MARCHF10: variants seen among roughly 807,000 people sequenced by gnomAD.
MARCHF10 encodes the protein membrane associated ring-CH-type finger 10, also known as probable E3 ubiquitin-protein ligase MARCHF10.
MARCHF10 carries 64 observed loss-of-function variants against 76.2 expected under a neutral mutation model. The ratio of observed to expected loss-of-function variants is 0.84; its 90% CI spans 0.69 to 1.03. The LOEUF (loss-of-function observed/expected upper bound fraction) is 1.03, where lower values mean the gene tolerates loss of function less well. MARCHF10 is among the 50% of genes least tolerant of loss of function. The probability of loss-of-function intolerance (pLI) is 0.00; values close to 1 mark genes in which losing one functional copy is unlikely to be tolerated. For missense variants in MARCHF10, 875 were observed against 958.0 expected, an observed-to-expected ratio of 0.91 and a Z score of 1.14; for synonymous variants, 340 against 357.5, an observed-to-expected ratio of 0.95 and a Z score of 0.55.
At chr17:62,799,570 A>G (rs1419182155) in intron 2 of MARCHF10, among the ~76,000 whole-genome samples, 1 of 152,140 alleles carries the variant, frequency 6.6e-6, no homozygotes, top group Non-Finnish European at 1.5e-5. Flanking sequence ...CAACATGGAG[A>G]AACCCCGTCT....
At chr17:62,757,961 A>G (rs537910965) in intron 4 of MARCHF10, among the ~76,000 whole-genome samples, 1 of 152,320 alleles carries the variant, frequency 6.6e-6, no homozygotes, top group South Asian at 2.1e-4. Flanking sequence ...ATCTGTATTA[A>G]TTAGACAAAC....
intron 3 of MARCHF10, among the ~76,000 whole-genome samples, chr17:62,776,298 A>G (rs1208851500): frequency 6.6e-6 from 1 of 152,224 alleles, no homozygotes; most frequent in Admixed American, 6.5e-5. Context: ...GAGGTCACCA[A>G]TCCTCTGCAC....
intron 2 of MARCHF10, among the ~76,000 whole-genome samples, chr17:62,789,033 G>A (rs1317685433): frequency 3.3e-5 from 4 of 122,324 alleles, no homozygotes; most frequent in Non-Finnish European, 6.4e-5. Flanking sequence ...ACTGCAGTCC[G>A]CAGTCCGGCC....
chr17:62,717,424 G>T (rs1014027698), intron 8 of MARCHF10, among the ~76,000 whole-genome samples: 1 of 152,234 alleles, frequency 6.6e-6, no homozygotes, highest in African/African-American at 2.4e-5. Flanking sequence ...GCTTCCACGT[G>T]GAGCAATGAC....
At position 62,738,806 on chromosome 17, in the gene MARCHF10, T is replaced by C. The variant is rs2147826673; in HGVS notation, c.536-1474A>G. On this transcript the variant is annotated intron_variant, in intron 5 of 10. Coordinates refer to ENST00000311269, the MANE Select transcript of MARCHF10 (RefSeq NM_152598.4). The surrounding 1 kb of genome is among the most constrained non-coding windows in gnomAD (Gnocchi z 4.0). ...CTCATCAGCTCTTCTAGAAATCAGT[T>C]AAGCTCTCCTCTCAGGCCCCTCCTG... Among the ~76,000 whole-genome samples, 2 of 152,290 alleles carry C rather than the reference T, an allele frequency of 1.3e-5. 1 individual carries two copies. The highest frequency in any genetic ancestry group is 6.8e-3 in the Middle Eastern group (2 of 294).
chr17:62,743,821 T>C (rs1375050458), intron 5 of MARCHF10, among the ~76,000 whole-genome samples: 6 of 152,182 alleles, frequency 3.9e-5, no homozygotes, highest in Admixed American at 2.6e-4. Flanking sequence ...GAATAAAGCA[T>C]AGATTCGTTC....
intron 4 of MARCHF10, among the ~76,000 whole-genome samples, chr17:62,756,794 C>A (rs1000711783): frequency 3.9e-5 from 6 of 152,168 alleles, no homozygotes; most frequent in African/African-American, 1.4e-4. Flanking sequence ...GATGCAAATG[C>A]AAACATTTTG....
intron 9 of MARCHF10, among the ~76,000 whole-genome samples, chr17:62,708,307 G>A (rs377189790): frequency 3.6e-4 from 55 of 150,886 alleles, no homozygotes; most frequent in South Asian, 8.4e-4. Flanking sequence ...GCGCAGTGGC[G>A]CCGTCTCGGC....
chr17:62,797,590 CT>C (rs1345915341), intron 2 of MARCHF10, among the ~76,000 whole-genome samples: 1 of 152,174 alleles, frequency 6.6e-6, no homozygotes, highest in Non-Finnish European at 1.5e-5. Flanking sequence ...TCCTCACCAC[CT>C]TTGCCCAGGG....
chr17:62,791,046 C>A lies in MARCHF10; in HGVS notation c.91-2447G>T, dbSNP rs147640997. On this transcript the variant is annotated intron_variant, in intron 2 of 10. Transcript: ENST00000311269. Reference sequence around the variant, plus strand: ...GTAAGTCATCATAATAAACACTGGACTCTGTTTGTTTTAATAATTTAAGCA... The same window carrying A: ...GTAAGTCATCATAATAAACACTGGAATCTGTTTGTTTTAATAATTTAAGCA... 5.7e-4 allele frequency among the ~76,000 whole-genome samples: 87 copies of A among 152,294 alleles called. 1 individual carries two copies. Among genetic ancestry groups the A allele is most frequent in the African/African-American group, 2.0e-3 (84 of 41,552 alleles).
chr17:62,789,107 G>A (rs1253779860), intron 2 of MARCHF10, among the ~76,000 whole-genome samples: 1 of 146,034 alleles, frequency 6.8e-6, no homozygotes, highest in African/African-American at 2.5e-5. Flanking sequence ...CAGGTCAGAC[G>A]TAATAGCCAT....
chr17:62,802,008 G>A (rs1306461097), intron 1 of MARCHF10, among the ~76,000 whole-genome samples: 1 of 152,146 alleles, frequency 6.6e-6, no homozygotes, highest in East Asian at 1.9e-4. Context: ...TTACTCAGAG[G>A]GAGTTAGATT....
chr17:62,732,992 C>CAAAAAAAAAAAAAAAAA (rs398041783), intron 6 of MARCHF10, among the ~76,000 whole-genome samples: 5 of 66,536 alleles, frequency 7.5e-5, no homozygotes, highest in African/African-American at 1.6e-4. Context: ...GACTCAGTCT[C>CAAAAAAAAAAAAAAAAA]AAAAAAAAAA....
intron 8 of MARCHF10, chr17:62,714,432 CCTA>C (rs2090087757): frequency 1.0e-6 from 1 of 985,046 alleles, no homozygotes; most frequent in African/African-American, 1.7e-5. Flanking sequence ...ACCAACACAT[CCTA>C]CAAGAGACAA....
At chr17:62,767,823 A>G (rs1055967465) in intron 3 of MARCHF10, among the ~76,000 whole-genome samples, 15 of 152,138 alleles carry the variant, frequency 9.9e-5, no homozygotes, top group African/African-American at 3.1e-4. Context: ...TCCCTTCTAA[A>G]TCGCTAAGAG....
chr17:62,737,254 G>A lies in MARCHF10; in HGVS notation c.614C>T (p.Pro205Leu), dbSNP rs2091313782. ...RPNQERRNLV[P>L]SSQPMTENAP... Reference sequence around the variant, plus strand: ...GTTCTCAGTCATTGGCTGTGACGATGGGACCAAGTTTCTTCTCTCTTGATT... The same window carrying A: ...GTTCTCAGTCATTGGCTGTGACGATAGGACCAAGTTTCTTCTCTCTTGATT... Residue 205 changes from proline to leucine, a missense_variant, in exon 6 of 11, where the codon CCA becomes CTA. Coordinates refer to ENST00000311269, the MANE Select transcript of MARCHF10 (RefSeq NM_152598.4). 2 of 1,613,758 alleles carry A rather than the reference G, an allele frequency of 1.2e-6. No individual in the cohort carries two copies. Among genetic ancestry groups the A allele is most frequent in the East Asian group, 2.2e-5 (1 of 44,888 alleles).
At chr17:62,802,940 T>A (rs1379238309) in intron 1 of MARCHF10, among the ~76,000 whole-genome samples, 1 of 152,140 alleles carries the variant, frequency 6.6e-6, no homozygotes. Context: ...ATGATTAGAT[T>A]CGTGTTTTTA....
At chr17:62,803,331 T>C (rs1294981142) in intron 1 of MARCHF10, among the ~76,000 whole-genome samples, 2 of 151,910 alleles carry the variant, frequency 1.3e-5, no homozygotes, top group Admixed American at 6.6e-5. Context: ...ATCCCTCCAG[T>C]TGCAGTATGA....
At chr17:62,799,935 G>T (rs1174652362) in intron 2 of MARCHF10, among the ~76,000 whole-genome samples, 1 of 152,082 alleles carries the variant, frequency 6.6e-6, no homozygotes, top group Admixed American at 6.6e-5. Flanking sequence ...GCTCTGGGGG[G>T]ATCTTTCCCA....
Sources: gnomAD v4.1 joint callset for allele counts (sites outside exome capture counted in the v4.1 genomes callset) on GRCh38, gnomAD v4.1.1 for gene constraint, Gnocchi (gnomAD v3.1) non-coding constraint, MANE v1.5 for transcripts, NCBI Gene and HGNC (gene_info 2026-07-23, HGNC 2026-07-21) for gene names.